Variants in FBXW2 observed in about 807,000 individuals in gnomAD.
FBXW2 encodes F-box and WD repeat domain containing 2.
FBXW2 carries 12 observed loss-of-function variants against 46.0 expected under a neutral mutation model. The ratio of observed to expected loss-of-function variants is 0.26; its 90% CI spans 0.17 to 0.42. FBXW2 has a LOEUF of 0.42. Among genes scored for constraint, FBXW2 ranks in the 10% least tolerant of loss-of-function variants. The pLI, the probability that FBXW2 is intolerant of heterozygous loss-of-function variation, is 1.00. For synonymous variants in FBXW2, 203 were observed against 209.6 expected, an observed-to-expected ratio of 0.97 and a Z score of 0.27; for missense variants, 360 against 537.0, an observed-to-expected ratio of 0.67 and a Z score of 3.26.
At chr9:120,780,130 C>T (rs1413701969) in intron 3 of FBXW2, among the ~76,000 whole-genome samples, 1 of 147,384 alleles carries the variant, frequency 6.8e-6, no homozygotes, top group Non-Finnish European at 1.5e-5. Context: ...AGAGGGCCTC[C>T]ACCTCAAAGA....
In FBXW2 at chr9:120,759,955, T is replaced by C. The variant is rs1018371272; in HGVS notation, c.*4604A>G. On this transcript the variant is annotated 3_prime_UTR_variant, in exon 8 of 8. Transcript: ENST00000608872. Reference sequence around the variant, plus strand: ...ACTCAGTAATCCATTTGAGGATTTATTCTGAAAAAAGTTTACTTTCCTAGA... The same window carrying C: ...ACTCAGTAATCCATTTGAGGATTTACTCTGAAAAAAGTTTACTTTCCTAGA... 1 of 152,254 alleles carries C rather than the reference T, an allele frequency of 6.6e-6. No homozygotes were observed. Among genetic ancestry groups the C allele is most frequent in the African/African-American group, 2.4e-5 (1 of 41,468 alleles). The allele number at this position is 152,254 out of a possible 1,614,324, so 9.4% of individuals were successfully genotyped here. A position where few individuals can be genotyped will look rare whatever the true frequency, so the allele number is the denominator to read the frequency against.
intron 4 of FBXW2, among the ~76,000 whole-genome samples, 179 bp downstream of exon 4, chr9:120,778,172 A>C (rs1451850092): frequency 6.6e-6 from 1 of 152,078 alleles, no homozygotes; most frequent in African/African-American, 2.4e-5. Context: ...GAAAAAGCAA[A>C]ACTGGGTAAA....
Position 120,793,364 on chromosome 9 carries a change from G to C in FBXW2, c.-140C>G, listed in dbSNP as rs901028872. 5 of 401,330 alleles carry C rather than the reference G, an allele frequency of 1.2e-5. No homozygotes were observed. The Admixed American group carries it at 2.2e-4, about 18-fold the overall frequency. The allele number at this position is 401,330 out of a possible 1,614,324, so 24.9% of individuals were successfully genotyped here. A position where few individuals can be genotyped will look rare whatever the true frequency, so the allele number is the denominator to read the frequency against. On this transcript the variant is annotated 5_prime_UTR_variant, in exon 1 of 8. Coordinates refer to ENST00000608872, the MANE Select transcript of FBXW2 (RefSeq NM_012164.4). The stretch of plus-strand genomic sequence containing the variant: ...GCCTCGCATACAGACCCGGACCTGC[G>C]GCCGCTGCTCCCGGTCCGCAGCCTC...
intron 3 of FBXW2, among the ~76,000 whole-genome samples, chr9:120,780,719 C>G (rs896520514): frequency 1.8e-4 from 28 of 152,172 alleles, no homozygotes; most frequent in African/African-American, 6.8e-4. Context: ...CTCATTCATT[C>G]ATTCAACATA....
intron 5 of FBXW2, among the ~76,000 whole-genome samples, chr9:120,775,312 G>T (rs553672088): frequency 6.6e-6 from 1 of 152,158 alleles, no homozygotes; most frequent in African/African-American, 2.4e-5. Context: ...CCAAAGTGCT[G>T]GGATTACACA....
chr9:120,787,326 A>AC (rs1238191365), intron 3 of FBXW2, among the ~76,000 whole-genome samples: 3 of 151,896 alleles, frequency 2.0e-5, no homozygotes, highest in Admixed American at 6.6e-5. Flanking sequence ...ACTGCGCCCG[A>AC]CCTCCTTTCC....
intron 5 of FBXW2, among the ~76,000 whole-genome samples, chr9:120,775,559 T>G (rs1175392853): frequency 6.6e-6 from 1 of 152,216 alleles, no homozygotes; most frequent in Non-Finnish European, 1.5e-5. Flanking sequence ...GCGTGGTATA[T>G]CCATTATTAA....
chr9:120,764,446 T>G lies in FBXW2; in HGVS notation c.*113A>C. On this transcript the variant is annotated 3_prime_UTR_variant, in exon 8 of 8. Transcript: ENST00000608872. ...CATAGATAAATGATTGTGCACTGCG[T>G]GATGATACCATTAGGTGAGAACTTT... 1 of 1,203,556 alleles carries G rather than the reference T, an allele frequency of 8.3e-7. No individual in the cohort carries two copies. The highest frequency in any genetic ancestry group is 1.2e-6 in the Non-Finnish European group (1 of 844,470). The allele number at this position is 1,203,556 out of a possible 1,614,324, so 74.6% of individuals were successfully genotyped here. A position where few individuals can be genotyped will look rare whatever the true frequency, so the allele number is the denominator to read the frequency against.
In FBXW2 at chr9:120,763,465, C is replaced by G. The variant is rs1039638603; in HGVS notation, c.*1094G>C. ...CCTTCTAGTATAGCATACTGTGTCCCTATTTAAACCATGGCTTCTATCAGC... is the reference window on the plus strand; with the variant it reads ...CCTTCTAGTATAGCATACTGTGTCCGTATTTAAACCATGGCTTCTATCAGC... On this transcript the variant is annotated 3_prime_UTR_variant, in exon 8 of 8. Transcript: ENST00000608872. 2.0e-5 allele frequency: 3 copies of G among 152,208 alleles called. No individual in the cohort carries two copies. The highest frequency in any genetic ancestry group is 2.9e-5 in the Non-Finnish European group (2 of 68,030). 9.4% of individuals were successfully genotyped at this position (152,208 alleles called of 1,614,324 possible).
chr9:120,773,513 GTAAAGA>G (rs1251852736), intron 5 of FBXW2, among the ~76,000 whole-genome samples: 3 of 152,246 alleles, frequency 2.0e-5, no homozygotes, highest in East Asian at 1.9e-4. Flanking sequence ...TTTAATTACA[GTAAAGA>G]TAAAGTAACA....
chr9:120,793,031 CAGT>C, intron 2 of FBXW2, 115 bp downstream of exon 2: 2 of 1,295,834 alleles, frequency 1.5e-6, no homozygotes, highest in South Asian at 2.6e-5. Flanking sequence ...GAAATGGAGG[CAGT>C]AGGAGGCAGT....
At position 120,763,694 on chromosome 9, in the gene FBXW2, G is replaced by A. The variant is rs2044228217; in HGVS notation, c.*865C>T. 6.6e-6 allele frequency: 1 copy of A among 152,190 alleles called. No homozygotes were observed. Among genetic ancestry groups the A allele is most frequent in the Non-Finnish European group, 1.5e-5 (1 of 68,036 alleles). The allele number at this position is 152,190 out of a possible 1,614,324, so 9.4% of individuals were successfully genotyped here. ...TGATCAACTTTTACACATTTCAGTA[G>A]GTGAAGGACCAGAAAGAATCTTAGA... On this transcript the variant is annotated 3_prime_UTR_variant, in exon 8 of 8. Coordinates refer to ENST00000608872, the MANE Select transcript of FBXW2 (RefSeq NM_012164.4).
chr9:120,790,280 C>A (rs111783632), intron 2 of FBXW2, among the ~76,000 whole-genome samples: 1 of 152,050 alleles, frequency 6.6e-6, no homozygotes, highest in Non-Finnish European at 1.5e-5. Flanking sequence ...GTCAGGAGAT[C>A]GAGATCATCC....
intron 3 of FBXW2, among the ~76,000 whole-genome samples, chr9:120,782,939 T>C (rs536024953): frequency 3.3e-5 from 5 of 152,172 alleles, no homozygotes; most frequent in Non-Finnish European, 1.5e-5. Flanking sequence ...GTTAACACTG[T>C]ATAGTGTTTA....
At chr9:120,772,518 A>T (rs1450086490) in intron 6 of FBXW2, among the ~76,000 whole-genome samples, 3 of 152,154 alleles carry the variant, frequency 2.0e-5, no homozygotes, top group Admixed American at 2.0e-4. Context: ...AAAAATTAAG[A>T]ATAAGCTGAA....
intron 2 of FBXW2, among the ~76,000 whole-genome samples, chr9:120,789,542 C>T (rs2044791802): frequency 6.6e-6 from 1 of 152,130 alleles, no homozygotes; most frequent in South Asian, 2.1e-4. Context: ...TTATTATTCT[C>T]TTTATTTCCA....
intron 2 of FBXW2, among the ~76,000 whole-genome samples, chr9:120,788,792 C>G (rs1186907805): frequency 6.6e-6 from 1 of 152,144 alleles, no homozygotes; most frequent in Non-Finnish European, 1.5e-5. Flanking sequence ...CAGGCACAAC[C>G]TGTCACCAAA....
chr9:120,775,163 A>C (rs1041445844), intron 5 of FBXW2, among the ~76,000 whole-genome samples: 4 of 151,730 alleles, frequency 2.6e-5, no homozygotes, highest in Non-Finnish European at 5.9e-5. Flanking sequence ...GCTTCAAGTT[A>C]ATTCCCCTGT....
chr9:120,758,560 AAG>A lies in FBXW2; in HGVS notation c.*5997_*5998del, dbSNP rs2044153301. 6.6e-6 allele frequency: 1 copy of A among 152,250 alleles called. No homozygotes were observed. Among genetic ancestry groups the A allele is most frequent in the Non-Finnish European group, 1.5e-5 (1 of 68,086 alleles). The allele number at this position is 152,250 out of a possible 1,614,324, so 9.4% of individuals were successfully genotyped here. On this transcript the variant is annotated 3_prime_UTR_variant, in exon 8 of 8. Transcript: ENST00000608872. ...GGCAGAAGGCAGCAGTCGGGATTTG[AAG>A]AGACTTGAAATACAGAAAGAACAGA...
Sources: allele counts gnomAD v4.1 joint callset (sites outside exome capture counted in the v4.1 genomes callset), GRCh38; gene constraint gnomAD v4.1.1; transcripts MANE v1.5; gene names NCBI Gene and HGNC (gene_info 2026-07-23, HGNC 2026-07-21).